The following KCTD1 variants were observed in gnomAD, a reference collection of about 807,000 sequenced individuals.
The protein encoded by KCTD1 is potassium channel tetramerization domain containing 1, also known as BTB/POZ domain-containing protein KCTD1.
In KCTD1, 24 loss-of-function variants were observed where a neutral mutation model predicts 66.0. The observed-to-expected ratio is 0.36, with a 90% confidence interval of 0.26 to 0.51. The LOEUF (loss-of-function observed/expected upper bound fraction) is 0.51, where lower values mean the gene tolerates loss of function less well. Among genes scored for constraint, KCTD1 ranks in the 20% least tolerant of loss-of-function variants. The probability of loss-of-function intolerance (pLI) is 0.95; values close to 1 mark genes in which losing one functional copy is unlikely to be tolerated. For missense variants in KCTD1, 943 were observed against 1,205.2 expected (o/e 0.78, Z 3.22); for synonymous variants, 511 against 517.2 (o/e 0.99, Z 0.16).
intron 1 of KCTD1, among the ~76,000 whole-genome samples, chr18:26,577,301 C>G (rs1285473455): frequency 6.6e-6 from 1 of 152,176 alleles, no homozygotes; most frequent in Non-Finnish European, 1.5e-5. Flanking sequence ...TCCATTTATT[C>G]TGTCCAATGT....
At chr18:26,617,433 T>G (rs1283338803) in intron 1 of KCTD1, among the ~76,000 whole-genome samples, 1 of 152,232 alleles carries the variant, frequency 6.6e-6, no homozygotes, top group Non-Finnish European at 1.5e-5. Context: ...GCAAAGGCTC[T>G]TAATAGACAG....
chr18:26,464,901 A>G (rs1255609690), intron 3 of KCTD1, among the ~76,000 whole-genome samples: 2 of 152,152 alleles, frequency 1.3e-5, no homozygotes, highest in African/African-American at 2.4e-5. Context: ...CATTTCCAAA[A>G]CAGCAACCAA....
intron 1 of KCTD1, among the ~76,000 whole-genome samples, chr18:26,639,673 T>C (rs1987794815): frequency 6.6e-6 from 1 of 152,168 alleles, no homozygotes; most frequent in Non-Finnish European, 1.5e-5. Flanking sequence ...GGGCGCTGAT[T>C]ATGTGCCTGG....
chr18:26,548,543 G>A lies in KCTD1; in HGVS notation c.-7C>T. On this transcript the variant is annotated 5_prime_UTR_variant, in exon 1 of 5. In the 5' UTR this introduces an upstream ATG that the reference lacks. Transcript: ENST00000580059. ...TGCCAGGCATTCTCGCCATATTGCC[G>A]TCTCTCTGCCAGTCCTCGGGCAGGG... 8.2e-7 allele frequency: 1 copy of A among 1,219,534 alleles called. No individual in the cohort carries two copies. The highest frequency in any genetic ancestry group is 1.0e-6 in the Non-Finnish European group (1 of 982,348). 75.5% of individuals were successfully genotyped at this position (1,219,534 alleles called of 1,614,324 possible).
At chr18:26,637,117 A>G (rs766276896) in intron 1 of KCTD1, among the ~76,000 whole-genome samples, 5 of 151,986 alleles carry the variant, frequency 3.3e-5, no homozygotes, top group Non-Finnish European at 7.4e-5. Flanking sequence ...CGCTTCCAAC[A>G]CTGTGCCTAG....
intron 1 of KCTD1, among the ~76,000 whole-genome samples, chr18:26,570,842 G>C (rs768471659): frequency 2.4e-4 from 37 of 152,204 alleles, no homozygotes; most frequent in Non-Finnish European, 4.6e-4. Flanking sequence ...TATACCCTGA[G>C]TGTAATTCCA....
Position 26,548,312 on chromosome 18 carries a change from C to G in KCTD1, c.225G>C (p.Glu75Asp), listed in dbSNP as rs748567734. 39 of 1,490,682 alleles carry G rather than the reference C, an allele frequency of 2.6e-5. No homozygotes were observed. The highest frequency in any genetic ancestry group is 6.2e-5 in the Admixed American group (3 of 48,148). 92.3% of individuals were successfully genotyped at this position (1,490,682 alleles called of 1,614,324 possible). A position where few individuals can be genotyped will look rare whatever the true frequency, so the allele number is the denominator to read the frequency against. ...CCCCACCTCCGTCCTCCTCCTCCTCCTCGTCCCCCGTTATCTGCACCTCCT... is the reference window on the plus strand; with the variant it reads ...CCCCACCTCCGTCCTCCTCCTCCTCGTCGTCCCCCGTTATCTGCACCTCCT... ...EIQEVQITGDEEEEEDGGGGL... is the reference protein window; with the variant it reads ...EIQEVQITGDDEEEEDGGGGL... Residue 75 changes from glutamate (E) to aspartate (D), a missense_variant, in exon 1 of 5, where the codon GAG (glutamate) becomes GAC (aspartate). Physicochemically the swap from Glu to Asp is conservative, Grantham distance 45. Around this residue, in one of 10 missense-constraint regions of KCTD1, gnomAD observed 236 missense variants for 206.6 expected, o/e 1.14. Coordinates refer to ENST00000580059, the MANE Select transcript of KCTD1 (RefSeq NM_001142730.3).
intron 1 of KCTD1, among the ~76,000 whole-genome samples, chr18:26,623,509 T>C (rs1157238552): frequency 6.6e-6 from 1 of 152,116 alleles, no homozygotes; most frequent in Non-Finnish European, 1.5e-5. Flanking sequence ...ATAAGGGAGT[T>C]TCCCCCTTTG....
At chr18:26,494,801 C>T (rs1350629945) in intron 2 of KCTD1, among the ~76,000 whole-genome samples, 2 of 152,064 alleles carry the variant, frequency 1.3e-5, no homozygotes, top group Non-Finnish European at 2.9e-5. Context: ...CCTCCATAAA[C>T]TAACTTTTTT....
intron 1 of KCTD1, among the ~76,000 whole-genome samples, chr18:26,618,057 G>GA (rs940162766): frequency 3.8e-4 from 57 of 148,836 alleles, no homozygotes; most frequent in Non-Finnish European, 7.0e-4. Context: ...TGTTAATGAG[G>GA]AAAAAATGCT....
chr18:26,480,040 ATTTTTTT>A (rs199551482), intron 2 of KCTD1, among the ~76,000 whole-genome samples: 130 of 139,744 alleles, frequency 9.3e-4, no homozygotes, highest in East Asian at 1.8e-3. Flanking sequence ...TGGTTTTGGA[ATTTTTTT>A]TTTTTTTTTT....
At chr18:26,657,261 C>T in intron 1 of KCTD1, 3 of 895,492 alleles carry the variant, frequency 3.4e-6, no homozygotes, top group Non-Finnish European at 4.0e-6. Flanking sequence ...GCCGCGCTCT[C>T]GCCCCATGCC....
chr18:26,629,539 G>A (rs1987572420), upstream of KCTD1, among the ~76,000 whole-genome samples: 1 of 152,294 alleles, frequency 6.6e-6, no homozygotes, highest in East Asian at 1.9e-4. Flanking sequence ...AAGGTTTCCC[G>A]AGAGCACAGA....
intron 1 of KCTD1, among the ~76,000 whole-genome samples, chr18:26,577,309 T>G (rs1381953168): frequency 1.3e-5 from 2 of 152,210 alleles, no homozygotes; most frequent in African/African-American, 4.8e-5. Flanking sequence ...TTCTGTCCAA[T>G]GTCTCTGCTT....
intron 2 of KCTD1, 85 bp downstream of exon 2, chr18:26,500,987 G>A (rs1290032356): frequency 1.7e-5 from 25 of 1,464,644 alleles, no homozygotes; most frequent in Non-Finnish European, 2.1e-5. Context: ...GCCTCCACGA[G>A]GCTACACTGC....
At chr18:26,626,154 CAA>C (rs199890516) in intron 1 of KCTD1, among the ~76,000 whole-genome samples, 3 of 117,814 alleles carry the variant, frequency 2.5e-5, no homozygotes, top group Non-Finnish European at 1.8e-5. Context: ...TTTCATGAGC[CAA>C]AAAAAAAAAC....
At chr18:26,594,662 C>G (rs1039162653) in intron 1 of KCTD1, among the ~76,000 whole-genome samples, 1 of 152,140 alleles carries the variant, frequency 6.6e-6, no homozygotes, top group African/African-American at 2.4e-5. Flanking sequence ...CTCAGCTAGG[C>G]TGCGGTGCCC....
chr18:26,548,407 G>GGCGGCC lies in KCTD1; in HGVS notation c.124_129dup (p.Gly42_Arg43dup). On this transcript the variant is annotated inframe_insertion, in exon 1 of 5. Coordinates refer to ENST00000580059, the MANE Select transcript of KCTD1 (RefSeq NM_001142730.3). ...CTGCAGTAGTGCGGACGGCTGTGGC[G>GGCGGCC]GCGGCCGCGGCCCCCCGCGCCGCGC... 2 of 1,433,550 alleles carry GGCGGCC rather than the reference G, an allele frequency of 1.4e-6. No individual in the cohort carries two copies. The highest frequency in any genetic ancestry group is 2.9e-5 in the East Asian group (1 of 34,246). The allele number at this position is 1,433,550 out of a possible 1,614,324, so 88.8% of individuals were successfully genotyped here. A position where few individuals can be genotyped will look rare whatever the true frequency, so the allele number is the denominator to read the frequency against.
Position 26,546,627 on chromosome 18 carries a change from C to CT in KCTD1, c.1809+100dup, listed in dbSNP as rs1985232804. 3.0e-6 allele frequency: 4 copies of CT among 1,344,506 alleles called. No homozygotes were observed. The Middle Eastern group carries it at 6.9e-4, about 231-fold the overall frequency. The allele number at this position is 1,344,506 out of a possible 1,614,324, so 83.3% of individuals were successfully genotyped here. On this transcript the variant is annotated intron_variant, in intron 1 of 4. Coordinates refer to ENST00000580059, the MANE Select transcript of KCTD1 (RefSeq NM_001142730.3). Reference sequence around the variant, plus strand: ...GAAATCCGATTCAGTACATTACCTACTTTTTAAAACTTCCCCCCTACCCAG... The same window carrying CT: ...GAAATCCGATTCAGTACATTACCTACTTTTTTAAAACTTCCCCCCTACCCAG...
Sources: allele counts gnomAD v4.1 joint callset (sites outside exome capture counted in the v4.1 genomes callset), GRCh38; gene constraint gnomAD v4.1.1; regional missense constraint gnomAD v4.1.1; transcripts MANE v1.5; gene names NCBI Gene and HGNC (gene_info 2026-07-23, HGNC 2026-07-21).